Variants in JAM2 observed in about 807,000 individuals in gnomAD.
JAM2 encodes junctional adhesion molecule B.
Under a neutral mutation model 42.0 loss-of-function variants are expected in JAM2, and 17 were observed. The observed-to-expected ratio is 0.40, with a 90% confidence interval of 0.28 to 0.61. JAM2 has a LOEUF of 0.61. Ranked by LOEUF, JAM2 falls within the 20% of genes least tolerant of loss-of-function variation. The pLI is 0.37. For missense variants in JAM2, 319 were observed against 358.3 expected (o/e 0.89, Z 0.89); for synonymous variants, 118 against 128.6 (o/e 0.92, Z 0.56).
At chr21:25,655,052 A>C (rs960817189) in intron 1 of JAM2, among the ~76,000 whole-genome samples, 1 of 152,152 alleles carries the variant, frequency 6.6e-6, no homozygotes, top group Non-Finnish European at 1.5e-5. Context: ...ATAACAAGGA[A>C]TTATTTTTGT....
intron 1 of JAM2, among the ~76,000 whole-genome samples, chr21:25,640,831 TTCTG>T (rs752105031): frequency 9.1e-4 from 128 of 141,316 alleles, no homozygotes; most frequent in Non-Finnish European, 1.6e-3. Flanking sequence ...CTCTCTTTCT[TTCTG>T]TCTCTCTTTC....
intron 4 of JAM2, among the ~76,000 whole-genome samples, chr21:25,697,918 A>AATCT (rs2034074578): frequency 7.0e-6 from 1 of 143,102 alleles, no homozygotes; most frequent in Non-Finnish European, 1.5e-5. Flanking sequence ...AAAAAAAAAA[A>AATCT]ATCTATCTGC....
chr21:25,661,673 TC>T (rs1270270905), intron 1 of JAM2, among the ~76,000 whole-genome samples: 6 of 151,912 alleles, frequency 3.9e-5, no homozygotes, highest in African/African-American at 1.4e-4. Context: ...TCTATAAATT[TC>T]ATTTCAGGAT....
At chr21:25,706,388 G>A (rs2034271668) in intron 7 of JAM2, among the ~76,000 whole-genome samples, 1 of 152,078 alleles carries the variant, frequency 6.6e-6, no homozygotes, top group African/African-American at 2.4e-5. Context: ...CGCTATGTTG[G>A]CCAGGCTGGT....
chr21:25,682,719 G>A (rs562062702), intron 1 of JAM2, among the ~76,000 whole-genome samples: 1 of 152,310 alleles, frequency 6.6e-6, no homozygotes, highest in African/African-American at 2.4e-5. Context: ...CAGAAAAATC[G>A]GGTCACACAC....
chr21:25,698,570 G>C (rs988343260), intron 4 of JAM2, 107 bp from the exon 5 acceptor site: 23 of 899,962 alleles, frequency 2.6e-5, no homozygotes, highest in African/African-American at 5.0e-5. Flanking sequence ...CTCTTTACCT[G>C]GCTATTAAAA....
chr21:25,706,545 T>C (rs564279556), intron 7 of JAM2, among the ~76,000 whole-genome samples: 1 of 152,214 alleles, frequency 6.6e-6, no homozygotes, highest in Admixed American at 6.5e-5. Context: ...CTATAGAAAA[T>C]GTTCAGGATG....
At chr21:25,683,849 A>G in intron 1 of JAM2, 34 bp from the exon 2 acceptor site, 1 of 1,475,258 alleles carries the variant, frequency 6.8e-7, no homozygotes, top group African/African-American at 1.4e-5. Context: ...ACTTTTGTAT[A>G]ATTTTAATTA....
intron 6 of JAM2, among the ~76,000 whole-genome samples, chr21:25,705,398 T>A (rs1406630436): frequency 6.6e-6 from 1 of 151,810 alleles, no homozygotes; most frequent in Non-Finnish European, 1.5e-5. Flanking sequence ...ACCCGGATAA[T>A]TTTTTTAATT....
intron 1 of JAM2, among the ~76,000 whole-genome samples, chr21:25,652,031 T>C (rs894179356): frequency 6.6e-6 from 1 of 152,218 alleles, no homozygotes; most frequent in African/African-American, 2.4e-5. Context: ...AAATGTTTTA[T>C]TTCAAAAGAT....
chr21:25,646,377 G>A (rs1330078050), intron 1 of JAM2, among the ~76,000 whole-genome samples: 1 of 152,110 alleles, frequency 6.6e-6, no homozygotes, highest in African/African-American at 2.4e-5. Context: ...AGCTCTTTTG[G>A]TTACTATGTA....
chr21:25,697,678 G>T (rs1408934812), intron 4 of JAM2, among the ~76,000 whole-genome samples: 10 of 152,008 alleles, frequency 6.6e-5, no homozygotes. Context: ...AAAGCAGGAG[G>T]ATTGCTTAAG....
intron 9 of JAM2, chr21:25,714,117 C>G: frequency 8.1e-7 from 1 of 1,236,716 alleles, no homozygotes; most frequent in African/African-American, 1.6e-5. Context: ...CTCTGCCTTC[C>G]AGTCCTACCT....
At chr21:25,712,204 C>CT (rs1482199162) in intron 8 of JAM2, 136 bp from the exon 9 acceptor site, 4 of 692,460 alleles carry the variant, frequency 5.8e-6, no homozygotes, top group South Asian at 1.5e-5. Flanking sequence ...TAAGAATTGT[C>CT]TTTTTTTCTA....
chr21:25,649,584 G>A (rs983595093), intron 1 of JAM2, among the ~76,000 whole-genome samples: 9 of 152,110 alleles, frequency 5.9e-5, no homozygotes, highest in African/African-American at 1.7e-4. Context: ...CAACCAAACC[G>A]TATTAGCATG....
chr21:25,689,966 T>C lies in JAM2; in HGVS notation c.234T>C (p.Thr78=), dbSNP rs1227027591. The change falls in exon 3 of 10, where the codon ACT becomes ACC. Residue 78 remains threonine, a synonymous_variant. Coordinates refer to ENST00000480456, the MANE Select transcript of JAM2 (RefSeq NM_021219.4). ...TCTCCTTTGTCTACTATCAACAGAC[T>C]CTTCAAGGTAAGCAGCTGTAGGCTT... ...RSVSFVYYQQ[T]LQGDFKNRAE... 1 of 1,598,330 alleles carries C rather than the reference T, an allele frequency of 6.3e-7. No homozygotes were observed. The highest frequency in any genetic ancestry group is 8.6e-7 in the Non-Finnish European group (1 of 1,165,996).
intron 4 of JAM2, among the ~76,000 whole-genome samples, chr21:25,695,569 C>T (rs1042770604): frequency 4.0e-4 from 58 of 146,710 alleles, no homozygotes; most frequent in Admixed American, 9.4e-4. Flanking sequence ...GAGGGGCCCC[C>T]CACCTCCCGG....
intron 1 of JAM2, among the ~76,000 whole-genome samples, chr21:25,640,361 A>T (rs973193321): frequency 8.5e-5 from 13 of 152,314 alleles, no homozygotes; most frequent in African/African-American, 2.6e-4. Flanking sequence ...TGAGCCGGCG[A>T]TATGCAGCGC....
chr21:25,705,180 T>C (rs1008139194), intron 6 of JAM2, among the ~76,000 whole-genome samples: 6 of 152,200 alleles, frequency 3.9e-5, no homozygotes, highest in African/African-American at 1.4e-4. Context: ...TCTACACCCA[T>C]ATAATTCAAG....
Sources: gnomAD v4.1 joint callset for allele counts (sites outside exome capture counted in the v4.1 genomes callset) on GRCh38, gnomAD v4.1.1 for gene constraint, MANE v1.5 for transcripts, NCBI Gene and HGNC (gene_info 2026-07-23, HGNC 2026-07-21) for gene names.